SERTM1: variants seen among roughly 807,000 people sequenced by gnomAD.
SERTM1 encodes the protein serine-rich and transmembrane domain-containing protein 1.
Under a neutral mutation model 5.5 loss-of-function variants are expected in SERTM1, and 1 was observed. The observed-to-expected ratio is 0.18, with a 90% CI of 0.06 to 0.86. The LOEUF (loss-of-function observed/expected upper bound fraction) is 0.86. Among genes scored for constraint, SERTM1 ranks in the 40% least tolerant of loss-of-function variants. SERTM1 has a pLI of 0.69. For synonymous variants in SERTM1, 52 were observed against 55.1 expected, an observed-to-expected ratio of 0.94 and a Z score of 0.25; for missense variants, 91 against 122.4, an observed-to-expected ratio of 0.74 and a Z score of 1.21.
intron 1 of SERTM1, among the ~76,000 whole-genome samples, chr13:36,686,163 T>A (rs959273787): frequency 6.6e-6 from 1 of 152,140 alleles, no homozygotes; most frequent in African/African-American, 2.4e-5. Context: ...TCAGGCAGCC[T>A]CTCCCACGAC....
intron 1 of SERTM1, among the ~76,000 whole-genome samples, chr13:36,687,714 T>A (rs949573855): frequency 6.6e-6 from 1 of 152,098 alleles, no homozygotes; most frequent in Non-Finnish European, 1.5e-5. Flanking sequence ...ATAAAATATT[T>A]ACTGCACATC....
rs913176376 is a variant in SERTM1 at position 36,674,095 on chromosome 13, G to C, written c.-263G>C. 5.3e-5 allele frequency: 8 copies of C among 152,228 alleles called. No homozygotes were observed. Among genetic ancestry groups the C allele is most frequent in the African/African-American group, 1.7e-4 (7 of 41,468 alleles). The allele number at this position is 152,228 out of a possible 1,614,324, so 9.4% of individuals were successfully genotyped here. ...GCTGCGCCCAACATTCCCGAGGACG[G>C]CTTCGCGGGCGCGTATCGTCCAGAC... On this transcript the variant is annotated 5_prime_UTR_variant, in exon 1 of 2. Coordinates refer to ENST00000315190, the MANE Select transcript of SERTM1 (RefSeq NM_203451.3).
chr13:36,691,205 C>CA (rs1184074198), intron 1 of SERTM1, among the ~76,000 whole-genome samples: 2 of 152,104 alleles, frequency 1.3e-5, no homozygotes, highest in Non-Finnish European at 2.9e-5. Flanking sequence ...GAGAGCTGGT[C>CA]AACTCTTCTT....
chr13:36,676,576 C>A (rs1233364656), intron 1 of SERTM1, among the ~76,000 whole-genome samples: 1 of 150,218 alleles, frequency 6.7e-6, no homozygotes, highest in Non-Finnish European at 1.5e-5. Context: ...TCTGAATGGC[C>A]CTGGATGCCA....
chr13:36,676,479 A>G (rs1332499579), intron 1 of SERTM1, among the ~76,000 whole-genome samples: 1 of 152,172 alleles, frequency 6.6e-6, no homozygotes, highest in African/African-American at 2.4e-5. Context: ...ATAATGAAGA[A>G]GTGAAAAATA....
intron 1 of SERTM1, among the ~76,000 whole-genome samples, chr13:36,694,522 A>T (rs942528032): frequency 3.3e-5 from 5 of 152,206 alleles, no homozygotes; most frequent in African/African-American, 7.2e-5. Flanking sequence ...TATGCTAATG[A>T]GCTGGTGAAT....
rs2056825792 is a variant in SERTM1, at chr13:36,697,735, T to C, written c.*2333T>C. On this transcript the variant is annotated 3_prime_UTR_variant, in exon 2 of 2. Transcript: ENST00000315190. ...AAAATAAGATTTGTCATTAGAAGCTTGCCAAGGTAACAGATTGTACAACTT... is the reference window on the plus strand; with the variant it reads ...AAAATAAGATTTGTCATTAGAAGCTCGCCAAGGTAACAGATTGTACAACTT... 2 of 167,034 alleles carry C rather than the reference T, an allele frequency of 1.2e-5. No individual in the cohort carries two copies. The highest frequency in any genetic ancestry group is 6.5e-5 in the Admixed American group (1 of 15,276). 10.3% of individuals were successfully genotyped at this position (167,034 alleles called of 1,614,324 possible).
intron 1 of SERTM1, among the ~76,000 whole-genome samples, chr13:36,679,223 C>G (rs1421932045): frequency 6.6e-6 from 1 of 152,168 alleles, no homozygotes; most frequent in African/African-American, 2.4e-5. Context: ...AAAATCTAAA[C>G]TTTTTGAGCA....
chr13:36,681,369 G>A (rs991636703), intron 1 of SERTM1, among the ~76,000 whole-genome samples: 2 of 152,178 alleles, frequency 1.3e-5, no homozygotes, highest in Admixed American at 6.5e-5. Context: ...AGGGAGCCAG[G>A]TGGCTACTTT....
intron 1 of SERTM1, among the ~76,000 whole-genome samples, chr13:36,678,637 A>G (rs571365591): frequency 2.7e-5 from 4 of 150,196 alleles, no homozygotes; most frequent in African/African-American, 9.8e-5. Context: ...ACAAACCTAC[A>G]CGTCCTGCAC....
At chr13:36,675,931 A>T (rs1423091592) in intron 1 of SERTM1, among the ~76,000 whole-genome samples, 4 of 152,186 alleles carry the variant, frequency 2.6e-5, no homozygotes, top group Admixed American at 1.3e-4. Context: ...ATATAAGGCA[A>T]AGTGCTTTGA....
chr13:36,688,839 AT>A (rs1274997214), intron 1 of SERTM1, among the ~76,000 whole-genome samples: 1 of 152,194 alleles, frequency 6.6e-6, no homozygotes, highest in Non-Finnish European at 1.5e-5. Flanking sequence ...TGTATAGCCA[AT>A]GACCTTTTCT....
At chr13:36,680,719 A>G (rs1018161965) in intron 1 of SERTM1, among the ~76,000 whole-genome samples, 4 of 151,928 alleles carry the variant, frequency 2.6e-5, no homozygotes, top group African/African-American at 4.8e-5. Flanking sequence ...TTAGTTTTCA[A>G]TGGTTTTACT....
intron 1 of SERTM1, among the ~76,000 whole-genome samples, chr13:36,678,404 A>G (rs980620777): frequency 1.3e-5 from 2 of 151,814 alleles, no homozygotes; most frequent in African/African-American, 4.8e-5. Context: ...ATACACTATC[A>G]TGAAGGTTAC....
At chr13:36,693,908 C>G (rs536531311) in intron 1 of SERTM1, among the ~76,000 whole-genome samples, 125 of 152,290 alleles carry the variant, frequency 8.2e-4, no homozygotes, top group African/African-American at 3.0e-3. Flanking sequence ...TCTTGTCTCA[C>G]AACCTGAACA....
chr13:36,684,212 G>A lies in SERTM1; in HGVS notation c.-174+10028G>A, dbSNP rs652166. On this transcript the variant is annotated intron_variant, in intron 1 of 1. Transcript: ENST00000315190. Reference sequence around the variant, plus strand: ...CTGGGGAGGCTGAGGCATGAGAATCGCTTGAACCCAGGAGGCAGATGTTGC... The same window carrying A: ...CTGGGGAGGCTGAGGCATGAGAATCACTTGAACCCAGGAGGCAGATGTTGC... Among the ~76,000 whole-genome samples the A allele has an allele frequency of 7.9e-5, 12 of 152,168 alleles. No homozygotes were observed. The East Asian group carries it at 1.5e-3, about 20-fold the overall frequency.
At chr13:36,684,891 A>T (rs1237756114) in intron 1 of SERTM1, among the ~76,000 whole-genome samples, 1 of 152,166 alleles carries the variant, frequency 6.6e-6, no homozygotes, top group Non-Finnish European at 1.5e-5. Flanking sequence ...ATTTATTTAT[A>T]TTTTTAAAAG....
At position 36,695,155 on chromosome 13, in the gene SERTM1, C is replaced by A. The variant is rs752998225; in HGVS notation, c.77C>A (p.Ser26Tyr). 6.2e-7 allele frequency: 1 copy of A among 1,614,118 alleles called. No individual in the cohort carries two copies. The highest frequency in any genetic ancestry group is 8.5e-7 in the Non-Finnish European group (1 of 1,179,914). ...ACTTTTCTTGAGCTGTTTCCCACAT[C>A]CCTGTCCACGTCAGTGGACCCATCC... Reference protein sequence around the residue: ...NGTFLELFPTSLSTSVDPSSG... With the variant: ...NGTFLELFPTYLSTSVDPSSG... The change falls in exon 2 of 2, where the codon TCC becomes TAC. Residue 26 changes from serine to tyrosine, a missense_variant. By Grantham distance (144) the Ser-to-Tyr change is moderately radical (BLOSUM62 -2). Transcript: ENST00000315190.
In SERTM1 at chr13:36,674,178, C is replaced by T. The variant is rs1013956104; in HGVS notation, c.-180C>T. 6.6e-6 allele frequency: 1 copy of T among 152,226 alleles called. No homozygotes were observed. Among genetic ancestry groups the T allele is most frequent in the Non-Finnish European group, 1.5e-5 (1 of 68,116 alleles). 9.4% of individuals were successfully genotyped at this position (152,226 alleles called of 1,614,324 possible). On this transcript the variant is annotated 5_prime_UTR_variant, in exon 1 of 2. Transcript: ENST00000315190. ...CTGCCGGGGAAGTCGCGTGTCCTGACCTGCAGGTCAGTGAGGGAAACTTGC... is the reference window on the plus strand; with the variant it reads ...CTGCCGGGGAAGTCGCGTGTCCTGATCTGCAGGTCAGTGAGGGAAACTTGC...
Sources: allele counts gnomAD v4.1 joint callset (sites outside exome capture counted in the v4.1 genomes callset), GRCh38; gene constraint gnomAD v4.1.1; transcripts MANE v1.5; gene names NCBI Gene and HGNC (gene_info 2026-07-23, HGNC 2026-07-21).